Variants in ISM1 observed in about 807,000 individuals in gnomAD.
The protein encoded by ISM1 is isthmin-1.
Under a neutral mutation model 46.3 loss-of-function variants are expected in ISM1, and 25 were observed. The observed-to-expected ratio is 0.54, with a 90% CI of 0.39 to 0.75. The LOEUF is 0.75. ISM1 is among the 30% of genes least tolerant of loss of function. The pLI, the probability that ISM1 is intolerant of heterozygous loss-of-function variation, is 0.00. For synonymous variants in ISM1, 255 were observed against 256.7 expected, an observed-to-expected ratio of 0.99 and a Z score of 0.06; for missense variants, 536 against 625.4, an observed-to-expected ratio of 0.86 and a Z score of 1.52.
chr20:13,277,319 T>A lies in ISM1; in HGVS notation c.379-2315T>A, dbSNP rs2040190368. 2.0e-5 allele frequency among the ~76,000 whole-genome samples: 3 copies of A among 152,196 alleles called. No individual in the cohort carries two copies. In the South Asian group the frequency reaches 6.2e-4, roughly 32 times the overall value. ...CTCTTATCTCCTACCCAGAGACTGA[T>A]TTCATTACCATAATTGTGGGCTTGC... On this transcript the variant is annotated intron_variant, in intron 2 of 5. Coordinates refer to ENST00000262487, the MANE Select transcript of ISM1 (RefSeq NM_080826.2).
At chr20:13,226,427 A>G (rs1011580642) in intron 1 of ISM1, among the ~76,000 whole-genome samples, 9 of 151,684 alleles carry the variant, frequency 5.9e-5, no homozygotes, top group African/African-American at 2.2e-4. Flanking sequence ...TTTTTTTTTA[A>G]TGATTGACAA....
At chr20:13,319,753 C>T in the ISM1 span, among the ~76,000 whole-genome samples, 1 of 152,338 alleles carries the variant, frequency 6.6e-6, no homozygotes, top group South Asian at 2.1e-4. Flanking sequence ...CACACACACA[C>T]TCTAGAGGGT....
Position 13,299,616 on chromosome 20 carries a change from C to CA in ISM1, c.*157_*158insA. On this transcript the variant is annotated 3_prime_UTR_variant, in exon 6 of 6. Coordinates refer to ENST00000262487, the MANE Select transcript of ISM1 (RefSeq NM_080826.2). The surrounding 1 kb of genome is among the most constrained non-coding windows in gnomAD (Gnocchi z 5.8). ...TCATACATTACGCTAGGGGCGTGTGCCACGCCCAGGGGACTGCCTTGTGAA... is the reference window on the plus strand; with the variant it reads ...TCATACATTACGCTAGGGGCGTGTGCACACGCCCAGGGGACTGCCTTGTGAA... 1.8e-5 allele frequency: 13 copies of CA among 739,508 alleles called. No individual in the cohort carries two copies. The highest frequency in any genetic ancestry group is 2.8e-5 in the Non-Finnish European group (13 of 469,114). 45.8% of individuals were successfully genotyped at this position (739,508 alleles called of 1,614,324 possible). A position where few individuals can be genotyped will look rare whatever the true frequency, so the allele number is the denominator to read the frequency against.
At chr20:13,234,082 T>C (rs1012435855) in intron 1 of ISM1, among the ~76,000 whole-genome samples, 6 of 152,172 alleles carry the variant, frequency 3.9e-5, no homozygotes, top group African/African-American at 1.4e-4. Context: ...TAGTGAATAT[T>C]GTACCCAGTG....
At chr20:13,320,173 T>C in the ISM1 span, among the ~76,000 whole-genome samples, 33,409 of 152,170 alleles carry the variant, frequency 0.22, 3,945 homozygotes, top group African/African-American at 0.24. Context: ...GAGGGGCTCA[T>C]GGGTCCTGGA....
intron 2 of ISM1, among the ~76,000 whole-genome samples, chr20:13,276,553 CTTT>C (rs1305917686): frequency 2.6e-5 from 4 of 152,116 alleles, no homozygotes; most frequent in African/African-American, 9.7e-5. Flanking sequence ...AGTTCCCTTT[CTTT>C]TATCATCATG....
the ISM1 span, among the ~76,000 whole-genome samples, chr20:13,308,772 A>G: frequency 6.6e-6 from 1 of 152,214 alleles, no homozygotes; most frequent in Non-Finnish European, 1.5e-5. Context: ...CCTAACCCCC[A>G]AAGTTATGAT....
intron 1 of ISM1, among the ~76,000 whole-genome samples, chr20:13,229,045 C>A (rs1191885150): frequency 1.3e-5 from 2 of 152,014 alleles, no homozygotes; most frequent in African/African-American, 4.8e-5. Flanking sequence ...AATTCTATAG[C>A]CTCTTTTCTC....
chr20:13,294,282 G>T (rs968500270), intron 5 of ISM1, among the ~76,000 whole-genome samples: 21 of 152,158 alleles, frequency 1.4e-4, no homozygotes, highest in African/African-American at 5.1e-4. Context: ...ATTCAGTGTC[G>T]CTAGGGCCTC....
At chr20:13,283,032 GT>G (rs1361835738) in intron 3 of ISM1, among the ~76,000 whole-genome samples, 1 of 152,022 alleles carries the variant, frequency 6.6e-6, no homozygotes, top group East Asian at 1.9e-4. Context: ...TTTTCTTTCT[GT>G]TTTTTTATTT....
At chr20:13,315,757 T>TA in the ISM1 span, among the ~76,000 whole-genome samples, 5 of 151,798 alleles carry the variant, frequency 3.3e-5, no homozygotes, top group African/African-American at 1.2e-4. Flanking sequence ...GACCATAAAA[T>TA]ACACCTTAAA....
downstream of ISM1, among the ~76,000 whole-genome samples, chr20:13,302,778 CA>C (rs1359571156): frequency 6.6e-6 from 1 of 152,158 alleles, no homozygotes; most frequent in African/African-American, 2.4e-5. Context: ...TCCTGGGTGC[CA>C]CATCTGAACA....
rs74317393 is a variant in ISM1 at position 13,272,626 on chromosome 20, A to G, written c.378+1883A>G. ...TGACAACCCATGCACAGAAATCACT[A>G]CAAGCCCCAGTTAAAATTTCTGGTG... is the stretch of plus-strand genomic sequence containing the variant. On this transcript the variant is annotated intron_variant, in intron 2 of 5. Transcript: ENST00000262487. Among the ~76,000 whole-genome samples, 393 of 152,306 alleles carry G rather than the reference A, an allele frequency of 2.6e-3. 5 individuals are homozygous for G. The highest frequency in any genetic ancestry group is 7.7e-3 in the South Asian group (37 of 4,814).
At chr20:13,257,336 GA>G (rs1354552443) in intron 1 of ISM1, among the ~76,000 whole-genome samples, 1 of 152,154 alleles carries the variant, frequency 6.6e-6, no homozygotes, top group Non-Finnish European at 1.5e-5. Flanking sequence ...CCAACATGGT[GA>G]AAACCTGTCT....
At chr20:13,282,832 C>A (rs1428148454) in intron 3 of ISM1, among the ~76,000 whole-genome samples, 3 of 152,164 alleles carry the variant, frequency 2.0e-5, no homozygotes, top group African/African-American at 7.2e-5. Flanking sequence ...AGGGCAGAAG[C>A]CTGGGCGAAG....
intron 1 of ISM1, among the ~76,000 whole-genome samples, chr20:13,222,678 A>AG: frequency 6.6e-6 from 1 of 152,204 alleles, no homozygotes; most frequent in South Asian, 2.1e-4. Flanking sequence ...CTTCAGGGCA[A>AG]GGAGAGGGCG....
At chr20:13,255,773 A>G (rs1228780335) in intron 1 of ISM1, among the ~76,000 whole-genome samples, 1 of 152,194 alleles carries the variant, frequency 6.6e-6, no homozygotes, top group Non-Finnish European at 1.5e-5. Context: ...CACCATGCAC[A>G]AATTGTACAA....
chr20:13,281,319 G>A (rs1244494025), intron 3 of ISM1, among the ~76,000 whole-genome samples: 3 of 152,186 alleles, frequency 2.0e-5, no homozygotes, highest in Non-Finnish European at 2.9e-5. Flanking sequence ...GAGAACTCTA[G>A]AAGGGATGTC....
intron 1 of ISM1, among the ~76,000 whole-genome samples, chr20:13,249,960 A>G (rs984742538): frequency 2.6e-5 from 4 of 152,204 alleles, no homozygotes; most frequent in Admixed American, 2.6e-4. Flanking sequence ...TTCCTTTCCA[A>G]ATTGATGAAA....
Sources: allele counts gnomAD v4.1 joint callset (sites outside exome capture counted in the v4.1 genomes callset), GRCh38; gene constraint gnomAD v4.1.1; non-coding constraint Gnocchi (gnomAD v3.1); transcripts MANE v1.5; gene names NCBI Gene and HGNC (gene_info 2026-07-23, HGNC 2026-07-21).